The following MAD1L1 variants were observed in gnomAD, a reference collection of about 807,000 sequenced individuals.
The protein encoded by MAD1L1 is mitotic spindle assembly checkpoint protein MAD1.
A neutral mutation model predicts 96.9 loss-of-function variants in MAD1L1; 95 were observed. That is an observed-to-expected ratio of 0.98 (90% confidence interval 0.83 to 1.16). The LOEUF is 1.16. Ranked by LOEUF, MAD1L1 falls within the 50% of genes most tolerant of loss-of-function variation. The probability of loss-of-function intolerance (pLI) is 0.00; values close to 1 mark genes in which losing one functional copy is unlikely to be tolerated. For missense variants in MAD1L1, 1,007 were observed against 954.4 expected, an observed-to-expected ratio of 1.06 and a Z score of -0.73; for synonymous variants, 473 against 396.6, an observed-to-expected ratio of 1.19 and a Z score of -2.29.
chr7:1,878,099 C>G (rs1785478535), intron 18 of MAD1L1, among the ~76,000 whole-genome samples: 1 of 151,874 alleles, frequency 6.6e-6, no homozygotes, highest in Non-Finnish European at 1.5e-5. Flanking sequence ...TAAGCAAAAA[C>G]TCAAGAAGAT....
At chr7:2,101,260 T>A (rs1376069504) in intron 11 of MAD1L1, among the ~76,000 whole-genome samples, 1 of 152,204 alleles carries the variant, frequency 6.6e-6, no homozygotes, top group African/African-American at 2.4e-5. Flanking sequence ...ACAGCCACTG[T>A]GCCTGGCGCG....
intron 18 of MAD1L1, chr7:1,846,230 G>C (rs527680513): frequency 6.5e-6 from 1 of 152,700 alleles, no homozygotes; most frequent in Non-Finnish European, 1.5e-5. Flanking sequence ...AGCAGCACAG[G>C]CCGCCCCCGG....
At chr7:1,927,861 G>A (rs1465953905) in intron 17 of MAD1L1, among the ~76,000 whole-genome samples, 1 of 152,168 alleles carries the variant, frequency 6.6e-6, no homozygotes. Flanking sequence ...GGAACACAGG[G>A]TCAGAAAATG....
chr7:2,223,969 C>G (rs1793747736), intron 4 of MAD1L1, among the ~76,000 whole-genome samples: 1 of 152,174 alleles, frequency 6.6e-6, no homozygotes, highest in Non-Finnish European at 1.5e-5. Context: ...TAGAAGGTGG[C>G]TGGAGCTCAG....
chr7:2,168,800 G>T (rs770268272), intron 10 of MAD1L1, among the ~76,000 whole-genome samples: 10 of 152,234 alleles, frequency 6.6e-5, no homozygotes, highest in Admixed American at 2.6e-4. Context: ...CTGGAGCAGG[G>T]GGCAGACACA....
At chr7:2,111,716 CAGCCCTGTGGGGGCAGCTA>C (rs1787391561) in intron 11 of MAD1L1, among the ~76,000 whole-genome samples, 1 of 152,230 alleles carries the variant, frequency 6.6e-6, no homozygotes, top group African/African-American at 2.4e-5. Context: ...ACAGCCCACA[CAGCCCTGTGGGGGCAGCTA>C]AGCCCAAAAC....
chr7:2,105,562 G>C (rs1056995021), intron 11 of MAD1L1, among the ~76,000 whole-genome samples: 2 of 152,114 alleles, frequency 1.3e-5, no homozygotes, highest in African/African-American at 2.4e-5. Flanking sequence ...CTGCCCTGAA[G>C]CCAGGAAGTA....
intron 18 of MAD1L1, among the ~76,000 whole-genome samples, chr7:1,870,762 CGCTG>C (rs1785027212): frequency 1.5e-5 from 2 of 132,664 alleles, no homozygotes; most frequent in Admixed American, 7.6e-5. Flanking sequence ...ATGCCTGCCA[CGCTG>C]AACCGACCAT....
chr7:1,887,777 G>C (rs916040276), intron 18 of MAD1L1, among the ~76,000 whole-genome samples: 1 of 148,850 alleles, frequency 6.7e-6, no homozygotes, highest in Non-Finnish European at 1.5e-5. Context: ...GGCTGCCTGT[G>C]TGTGTGCATG....
At chr7:2,213,091 C>G (rs1234950140) in intron 10 of MAD1L1, 121 bp downstream of exon 10, 4 of 1,018,130 alleles carry the variant, frequency 3.9e-6, no homozygotes, top group Non-Finnish European at 6.0e-6. Flanking sequence ...GGACAAATGC[C>G]CCGCACCAGC....
intron 18 of MAD1L1, among the ~76,000 whole-genome samples, chr7:1,867,635 T>C (rs1784840927): frequency 6.6e-6 from 1 of 152,156 alleles, no homozygotes; most frequent in African/African-American, 2.4e-5. Flanking sequence ...CCAATTTCCA[T>C]TCCAGGAACC....
intron 10 of MAD1L1, chr7:2,201,933 G>A (rs960045073): frequency 6.6e-6 from 1 of 152,360 alleles, no homozygotes; most frequent in African/African-American, 2.4e-5. Context: ...GGCGGAGAGG[G>A]GCACAGGCTG....
chr7:1,886,270 C>G (rs978634059), intron 18 of MAD1L1, among the ~76,000 whole-genome samples: 1 of 152,226 alleles, frequency 6.6e-6, no homozygotes, highest in Non-Finnish European at 1.5e-5. Flanking sequence ...CTGATCTGTG[C>G]AAGATCAGTG....
intron 18 of MAD1L1, among the ~76,000 whole-genome samples, chr7:1,823,528 T>C (rs9770241): frequency 0.67 from 102,246 of 152,050 alleles, 35,216 homozygotes; most frequent in African/African-American, 0.81. Context: ...CAGGGGACCC[T>C]GGCACCTGGA....
intron 17 of MAD1L1, among the ~76,000 whole-genome samples, chr7:1,922,861 C>T (rs892140709): frequency 1.2e-4 from 19 of 152,338 alleles, no homozygotes; most frequent in African/African-American, 4.3e-4. Context: ...TTTGTGCATC[C>T]GTTGGTTTGG....
At chr7:2,011,220 A>G (rs1406458092) in intron 13 of MAD1L1, among the ~76,000 whole-genome samples, 1 of 151,932 alleles carries the variant, frequency 6.6e-6, no homozygotes, top group Non-Finnish European at 1.5e-5. Flanking sequence ...GGGTCTCCAG[A>G]GCAGCCCCTT....
chr7:2,037,207 C>CT lies in MAD1L1; in HGVS notation c.1219-22566dup, dbSNP rs11332091. Among the ~76,000 whole-genome samples the CT allele has an allele frequency of 5.4e-3, 716 of 133,114 alleles. 2 individuals carry two copies. Among genetic ancestry groups the CT allele is most frequent in the Middle Eastern group, 0.012 (3 of 252 alleles). The allele number at this position is 133,114 out of a possible 152,430, so 87.3% of individuals were successfully genotyped here. The stretch of plus-strand genomic sequence containing the variant: ...TTCTTTGTCTTCTTAATAGACTCTT[C>CT]TTTTTTTTTTTTTTTTTTAGAACGG... On this transcript the variant is annotated intron_variant, in intron 12 of 18. Transcript: ENST00000265854.
intron 10 of MAD1L1, among the ~76,000 whole-genome samples, chr7:2,171,708 C>CCAG (rs1175124716): frequency 6.6e-6 from 1 of 151,322 alleles, no homozygotes; most frequent in Admixed American, 6.6e-5. Flanking sequence ...GCAGAAAAGT[C>CCAG]CAGCAGCTGG....
At chr7:2,002,561 A>G (rs1781845961) in intron 13 of MAD1L1, among the ~76,000 whole-genome samples, 2 of 152,180 alleles carry the variant, frequency 1.3e-5, no homozygotes, top group South Asian at 4.1e-4. Context: ...GTGACCTTCC[A>G]GGCAGAGGCC....
Sources: gnomAD v4.1 joint callset for allele counts (sites outside exome capture counted in the v4.1 genomes callset) on GRCh38, gnomAD v4.1.1 for gene constraint, MANE v1.5 for transcripts, NCBI Gene and HGNC (gene_info 2026-07-23, HGNC 2026-07-21) for gene names.